TMEM117: variants seen among roughly 807,000 people sequenced by gnomAD.
TMEM117 encodes transmembrane protein 117.
Under a neutral mutation model 52.4 loss-of-function variants are expected in TMEM117, and 27 were observed. The observed-to-expected ratio is 0.51, with a 90% confidence interval of 0.38 to 0.71. The LOEUF is 0.71. Ranked by LOEUF, TMEM117 falls within the 30% of genes least tolerant of loss-of-function variation. The probability of loss-of-function intolerance (pLI) is 0.00; values close to 1 mark genes in which losing one functional copy is unlikely to be tolerated. For missense variants in TMEM117, 556 were observed against 630.5 expected (o/e 0.88, Z 1.26); for synonymous variants, 215 against 206.3 (o/e 1.04, Z -0.36).
At chr12:44,100,648 TTCC>T (rs1169370182) in intron 3 of TMEM117, among the ~76,000 whole-genome samples, 2 of 152,074 alleles carry the variant, frequency 1.3e-5, no homozygotes, top group Admixed American at 6.6e-5. Flanking sequence ...CTCTTAAATT[TTCC>T]TCAAGTTATT....
intron 4 of TMEM117, among the ~76,000 whole-genome samples, chr12:44,207,128 A>G (rs1274702200): frequency 6.6e-6 from 1 of 151,388 alleles, no homozygotes. Flanking sequence ...TATGTTCATT[A>G]ATATCCTTTA....
the TMEM117 span, among the ~76,000 whole-genome samples, chr12:43,827,927 G>A: frequency 2.0e-5 from 3 of 152,284 alleles, no homozygotes; most frequent in South Asian, 2.1e-4. Context: ...GAGAGGACGC[G>A]TGAAGATGGA....
At chr12:43,851,465 G>GTT (rs144536406) in intron 2 of TMEM117, among the ~76,000 whole-genome samples, 1 of 151,198 alleles carries the variant, frequency 6.6e-6, no homozygotes, top group Non-Finnish European at 1.5e-5. Flanking sequence ...GATGATTCTA[G>GTT]TTTTTTTTTA....
intron 3 of TMEM117, among the ~76,000 whole-genome samples, chr12:44,006,932 G>T (rs779788831): frequency 2.6e-5 from 4 of 152,162 alleles, no homozygotes; most frequent in African/African-American, 9.6e-5. Flanking sequence ...CACTTCTAAG[G>T]TCAAGTTTTA....
intron 3 of TMEM117, among the ~76,000 whole-genome samples, chr12:43,948,868 GA>G (rs561811884): frequency 5.7e-4 from 87 of 152,284 alleles, no homozygotes; most frequent in East Asian, 3.1e-3. Flanking sequence ...AGAAGGATCT[GA>G]AAACTCGGGC....
chr12:43,978,604 G>A (rs555184942), intron 3 of TMEM117, among the ~76,000 whole-genome samples: 2 of 152,266 alleles, frequency 1.3e-5, no homozygotes, highest in South Asian at 4.1e-4. Flanking sequence ...ACAGGAGTAC[G>A]AGATAAGAAC....
intron 4 of TMEM117, among the ~76,000 whole-genome samples, chr12:44,168,054 GAC>G (rs140629251): frequency 0.049 from 7,480 of 152,104 alleles, 602 homozygotes; most frequent in African/African-American, 0.17. Flanking sequence ...AGGAGTTTGA[GAC>G]CAGCCTGGCC....
chr12:44,272,559 G>T (rs1390022009), intron 5 of TMEM117, among the ~76,000 whole-genome samples: 1 of 152,102 alleles, frequency 6.6e-6, no homozygotes, highest in Admixed American at 6.5e-5. Context: ...AGTGGGCGAA[G>T]GATATGAACA....
chr12:43,885,185 G>A (rs534832692), intron 2 of TMEM117, among the ~76,000 whole-genome samples: 1 of 152,258 alleles, frequency 6.6e-6, no homozygotes, highest in African/African-American at 2.4e-5. Context: ...CTTGAGAGCA[G>A]GATGTCCACC....
At chr12:44,281,086 A>G (rs947681138) in intron 5 of TMEM117, among the ~76,000 whole-genome samples, 3 of 152,226 alleles carry the variant, frequency 2.0e-5, no homozygotes, top group African/African-American at 7.2e-5. Flanking sequence ...GTATATTGCT[A>G]CAGTAATAAA....
At chr12:44,095,960 A>G (rs1214212233) in intron 3 of TMEM117, among the ~76,000 whole-genome samples, 1 of 152,192 alleles carries the variant, frequency 6.6e-6, no homozygotes, top group Non-Finnish European at 1.5e-5. Flanking sequence ...TTGTATATCT[A>G]GAAAACCCCA....
At chr12:44,075,700 G>A (rs1394447470) in intron 3 of TMEM117, among the ~76,000 whole-genome samples, 1 of 152,074 alleles carries the variant, frequency 6.6e-6, no homozygotes, top group Non-Finnish European at 1.5e-5. Flanking sequence ...GCTATTATAT[G>A]GTGTCCACCT....
intron 3 of TMEM117, among the ~76,000 whole-genome samples, chr12:44,074,283 T>C (rs967012568): frequency 4.1e-4 from 62 of 152,136 alleles, no homozygotes; most frequent in Non-Finnish European, 7.1e-4. Flanking sequence ...ATAATTAGAC[T>C]AAGACATTAA....
intron 4 of TMEM117, among the ~76,000 whole-genome samples, chr12:44,157,379 GTTAC>G (rs201558071): frequency 0.012 from 1,751 of 152,156 alleles, 22 homozygotes; most frequent in South Asian, 0.052. Flanking sequence ...TATTGTTAGT[GTTAC>G]TTAATTTAAA....
At chr12:44,350,121 G>A (rs1461964292) in intron 6 of TMEM117, among the ~76,000 whole-genome samples, 1 of 151,962 alleles carries the variant, frequency 6.6e-6, no homozygotes, top group Non-Finnish European at 1.5e-5. Flanking sequence ...CTCTCTTTCA[G>A]AAGTAATTAA....
intron 2 of TMEM117, among the ~76,000 whole-genome samples, chr12:43,863,283 C>CAAGA (rs1555178364): frequency 1.4e-5 from 2 of 148,030 alleles, no homozygotes; most frequent in African/African-American, 4.9e-5. Context: ...AACAAACAAA[C>CAAGA]AAAACTTCAA....
intron 5 of TMEM117, among the ~76,000 whole-genome samples, chr12:44,233,816 A>C (rs922925137): frequency 1.3e-5 from 2 of 151,434 alleles, no homozygotes; most frequent in Non-Finnish European, 3.0e-5. Flanking sequence ...CTATTAGGTG[A>C]ATATATGCAA....
chr12:44,249,784 G>T (rs1950175550), intron 5 of TMEM117, among the ~76,000 whole-genome samples: 1 of 152,110 alleles, frequency 6.6e-6, no homozygotes, highest in African/African-American at 2.4e-5. Flanking sequence ...AAACTGGCTA[G>T]CCATATGCAG....
intron 3 of TMEM117, among the ~76,000 whole-genome samples, chr12:43,963,256 T>A (rs1945433122): frequency 6.6e-6 from 1 of 151,792 alleles, no homozygotes; most frequent in African/African-American, 2.4e-5. Flanking sequence ...ATGTGTAATA[T>A]CCATTATTAG....
Sources: gnomAD v4.1 joint callset for allele counts (sites outside exome capture counted in the v4.1 genomes callset) on GRCh38, gnomAD v4.1.1 for gene constraint, MANE v1.5 for transcripts, NCBI Gene and HGNC (gene_info 2026-07-23, HGNC 2026-07-21) for gene names.